EYS: variants seen among roughly 807,000 people sequenced by gnomAD.
The protein encoded by EYS is EGF-like photoreceptor maintenance factor.
A neutral mutation model predicts 282.1 loss-of-function variants in EYS; 250 were observed. That is an observed-to-expected ratio of 0.89 (90% CI 0.80 to 0.98). The LOEUF is 0.98. Ranked by LOEUF, EYS falls within the 50% of genes least tolerant of loss-of-function variation. The pLI, the probability that EYS is intolerant of heterozygous loss-of-function variation, is 0.00. For missense variants in EYS, 4,016 were observed against 3,709.0 expected (o/e 1.08, Z -2.15); for synonymous variants, 1,355 against 1,282.9 (o/e 1.06, Z -1.20).
intron 36 of EYS, among the ~76,000 whole-genome samples, chr6:63,836,368 C>CA (rs1353891303): frequency 1.3e-5 from 2 of 149,926 alleles, no homozygotes; most frequent in African/African-American, 2.5e-5. Context: ...TGTCTTTTAC[C>CA]AAAAAATGAC....
At chr6:64,204,021 G>T (rs376668135) in intron 31 of EYS, among the ~76,000 whole-genome samples, 1 of 152,004 alleles carries the variant, frequency 6.6e-6, no homozygotes, top group Non-Finnish European at 1.5e-5. Flanking sequence ...TCTACCTTAA[G>T]AATTAAATCA....
At chr6:65,218,270 A>G (rs1766366841) in intron 12 of EYS, among the ~76,000 whole-genome samples, 1 of 152,106 alleles carries the variant, frequency 6.6e-6, no homozygotes, top group South Asian at 2.1e-4. Context: ...TCTTAAACAT[A>G]CCCTGATAGG....
At chr6:64,289,921 T>G (rs928349114) in intron 30 of EYS, among the ~76,000 whole-genome samples, 1 of 151,994 alleles carries the variant, frequency 6.6e-6, no homozygotes, top group African/African-American at 2.4e-5. Context: ...ACCTGGTAAG[T>G]AGGCAGTCAA....
At chr6:64,704,508 TAA>T (rs1491405305) in intron 22 of EYS, among the ~76,000 whole-genome samples, 230 of 30,990 alleles carry the variant, frequency 7.4e-3, no homozygotes, top group African/African-American at 0.016. Context: ...ATACTTATAA[TAA>T]TATTATAATT....
rs16896696 is a variant in EYS, at chr6:65,475,174, T to C, written c.862+15420A>G. Among the ~76,000 whole-genome samples, 937 of 152,194 alleles carry C rather than the reference T, an allele frequency of 6.2e-3. 13 individuals carry two copies. The highest frequency in any genetic ancestry group is 0.02 in the African/African-American group (819 of 41,566). On this transcript the variant is annotated intron_variant, in intron 5 of 42. Transcript: ENST00000503581. ...ATATATATATATAGCACTTAATGGT[T>C]ATTGTATTTATTTTCTCATAGTTAA...
At chr6:65,549,707 T>C (rs1455750186) in intron 2 of EYS, among the ~76,000 whole-genome samples, 1 of 152,248 alleles carries the variant, frequency 6.6e-6, no homozygotes, top group Non-Finnish European at 1.5e-5. Flanking sequence ...TGGGATAACA[T>C]ATGATATACT....
intron 12 of EYS, among the ~76,000 whole-genome samples, chr6:65,290,164 G>A (rs1029150186): frequency 6.6e-6 from 1 of 150,822 alleles, no homozygotes; most frequent in Non-Finnish European, 1.5e-5. Flanking sequence ...AATTGACTAA[G>A]GGTTAACAAA....
chr6:64,181,564 A>G (rs1764788529), intron 31 of EYS, among the ~76,000 whole-genome samples: 1 of 152,090 alleles, frequency 6.6e-6, no homozygotes. Context: ...AGTAATGCAA[A>G]TGAATCACCT....
At chr6:64,287,865 C>T (rs1768555103) in intron 30 of EYS, among the ~76,000 whole-genome samples, 1 of 152,096 alleles carries the variant, frequency 6.6e-6, no homozygotes, top group Non-Finnish European at 1.5e-5. Flanking sequence ...ATGGAGACAA[C>T]AACAAAGCCT....
At chr6:63,887,775 C>T (rs572111840) in intron 35 of EYS, among the ~76,000 whole-genome samples, 17 of 152,060 alleles carry the variant, frequency 1.1e-4, no homozygotes, top group Non-Finnish European at 2.2e-4. Flanking sequence ...TTTTTTCATA[C>T]CCCAGTGGTA....
rs551678670 is a variant in EYS at position 65,048,991 on chromosome 6, C to T, written c.2137+8623G>A. ...CATAAGTAGATTTTAGGTGCCTTGT[C>T]ACAAAAAGAAAAGTAACCACATGAG... On this transcript the variant is annotated intron_variant, in intron 13 of 42. Coordinates refer to ENST00000503581, the MANE Select transcript of EYS (RefSeq NM_001142800.2). Among the ~76,000 whole-genome samples, 10 of 151,742 alleles carry T rather than the reference C, an allele frequency of 6.6e-5. 1 individual carries two copies. The South Asian group carries it at 2.1e-3, about 31-fold the overall frequency.
At chr6:64,720,614 A>C (rs1771545863) in intron 22 of EYS, among the ~76,000 whole-genome samples, 1 of 152,116 alleles carries the variant, frequency 6.6e-6, no homozygotes, top group African/African-American at 2.4e-5. Flanking sequence ...TTTTTGCTTC[A>C]GGACATGAGT....
Position 65,120,151 on chromosome 6 carries a change from C to CAAA in EYS, c.2024-62427_2024-62425dup, listed in dbSNP as rs1170415166. Among the ~76,000 whole-genome samples the CAAA allele has an allele frequency of 3.5e-3, 219 of 62,534 alleles. 20 individuals carry two copies. The highest frequency in any genetic ancestry group is 0.024 in the Middle Eastern group (2 of 84). 41.0% of individuals were successfully genotyped at this position (62,534 alleles called of 152,430 possible). A position where few individuals can be genotyped will look rare whatever the true frequency, so the allele number is the denominator to read the frequency against. On this transcript the variant is annotated intron_variant, in intron 12 of 42. Transcript: ENST00000503581. The stretch of plus-strand genomic sequence containing the variant: ...TGGGTGACAGAGCGAGACTCCGTCT[C>CAAA]AAAAAAAAAAAAAAACAAAAACAAA...
chr6:63,843,073 A>G (rs1772004551), intron 36 of EYS, among the ~76,000 whole-genome samples: 1 of 152,042 alleles, frequency 6.6e-6, no homozygotes. Flanking sequence ...TTTGCTTAGG[A>G]TTGTCTTGGC....
intron 29 of EYS, among the ~76,000 whole-genome samples, chr6:64,345,394 C>T (rs1177926360): frequency 5.3e-5 from 8 of 152,016 alleles, no homozygotes; most frequent in Non-Finnish European, 1.5e-5. Flanking sequence ...AGAAATAATG[C>T]TGCATATCTA....
At chr6:63,769,889 GA>G (rs1024204893) in intron 40 of EYS, among the ~76,000 whole-genome samples, 6 of 151,930 alleles carry the variant, frequency 3.9e-5, no homozygotes, top group African/African-American at 1.2e-4. Flanking sequence ...AAAATTAACT[GA>G]AAATGAGATA....
intron 2 of EYS, among the ~76,000 whole-genome samples, chr6:65,525,155 C>T (rs1767509953): frequency 6.6e-6 from 1 of 151,824 alleles, no homozygotes; most frequent in Admixed American, 6.6e-5. Flanking sequence ...TTTCTAAACC[C>T]ATTTTAAAGT....
intron 22 of EYS, chr6:64,733,817 G>T (rs1219203739): frequency 1.2e-5 from 2 of 163,502 alleles, no homozygotes; most frequent in South Asian, 1.8e-4. Flanking sequence ...GCACGCTTAT[G>T]GCAACAATCA....
At chr6:65,442,569 T>C (rs1186331737) in intron 5 of EYS, among the ~76,000 whole-genome samples, 2 of 151,604 alleles carry the variant, frequency 1.3e-5, no homozygotes, top group African/African-American at 2.4e-5. Flanking sequence ...CTGGCTAACA[T>C]AGTGAAACCC....
Sources: allele counts gnomAD v4.1 joint callset (sites outside exome capture counted in the v4.1 genomes callset), GRCh38; gene constraint gnomAD v4.1.1; transcripts MANE v1.5; gene names NCBI Gene and HGNC (gene_info 2026-07-23, HGNC 2026-07-21).